The following SLAMF1 variants were observed in gnomAD, a reference collection of about 807,000 sequenced individuals.
SLAMF1 encodes the protein signaling lymphocytic activation molecule family member 1, also known as signaling lymphocytic activation molecule.
In SLAMF1, 18 loss-of-function variants were observed where a neutral mutation model predicts 35.1. That is an observed-to-expected ratio of 0.51 (90% CI 0.35 to 0.76). SLAMF1 has a LOEUF of 0.76. SLAMF1 is among the 30% of genes least tolerant of loss of function. The pLI is 0.01. For synonymous variants in SLAMF1, 168 were observed against 157.2 expected (o/e 1.07, Z -0.51); for missense variants, 392 against 413.0 (o/e 0.95, Z 0.44).
rs773729465 is a variant in SLAMF1 at position 160,634,848 on chromosome 1, G to A, written c.465C>T (p.Asn155=). ...AGCCCAGTATCAAGGTGCAGGTCCC[G>A]TTCTCCTGGGTCTTGTTTAAAACTT... The part of the protein sequence containing the change: ...EIKVLNKTQE[N]GTCTLILGCT... Residue 155 remains asparagine, a synonymous_variant, in exon 3 of 7, where the codon AAC becomes AAT. Transcript: ENST00000302035. 66 of 1,613,938 alleles carry A rather than the reference G, an allele frequency of 4.1e-5. No individual in the cohort carries two copies. The highest frequency in any genetic ancestry group is 5.3e-5 in the African/African-American group (4 of 74,892).
chr1:160,629,092 G>A (rs1660029826), intron 3 of SLAMF1, among the ~76,000 whole-genome samples: 1 of 152,112 alleles, frequency 6.6e-6, no homozygotes, highest in Admixed American at 6.5e-5. Context: ...CCCTACTCCC[G>A]AGGCTCTTAG....
intron 4 of SLAMF1, chr1:160,623,607 G>A: frequency 2.5e-6 from 1 of 399,236 alleles, no homozygotes. Flanking sequence ...ACAATGCCCT[G>A]AGATATTGTA....
chr1:160,629,681 G>A (rs1394268198), intron 3 of SLAMF1, among the ~76,000 whole-genome samples: 1 of 152,160 alleles, frequency 6.6e-6, no homozygotes, highest in East Asian at 1.9e-4. Context: ...CATTGCAGAG[G>A]CTACTAGCTC....
At chr1:160,629,422 A>C (rs1660052842) in intron 3 of SLAMF1, among the ~76,000 whole-genome samples, 1 of 152,180 alleles carries the variant, frequency 6.6e-6, no homozygotes, top group South Asian at 2.1e-4. Context: ...CCTAGGAGAT[A>C]CTGCGACGTT....
intron 1 of SLAMF1, among the ~76,000 whole-genome samples, chr1:160,641,940 T>G (rs946455811): frequency 1.6e-4 from 24 of 152,202 alleles, no homozygotes; most frequent in Admixed American, 1.5e-3. Context: ...CATGGGCCTA[T>G]GGAGTTTGGT....
intron 4 of SLAMF1, among the ~76,000 whole-genome samples, chr1:160,622,859 G>A (rs146196392): frequency 1.3e-5 from 2 of 152,340 alleles, no homozygotes; most frequent in Non-Finnish European, 2.9e-5. Flanking sequence ...TTCAGCGTCA[G>A]GCTGCATTCT....
At chr1:160,618,981 TCTC>T (rs1439116941) in intron 5 of SLAMF1, among the ~76,000 whole-genome samples, 4 of 152,196 alleles carry the variant, frequency 2.6e-5, no homozygotes, top group African/African-American at 9.7e-5. Context: ...CAAGAGTCCA[TCTC>T]CTGGTTCTCA....
At chr1:160,641,586 G>A (rs1660748670) in intron 1 of SLAMF1, among the ~76,000 whole-genome samples, 1 of 152,134 alleles carries the variant, frequency 6.6e-6, no homozygotes, top group Admixed American at 6.5e-5. Context: ...ATGAGGAGTG[G>A]AACCAAAACT....
Position 160,610,252 on chromosome 1 carries a change from G to C in SLAMF1, c.*496C>G. ...CCTCTATTCACTCTTTATCCTGAGAGAGAAACTGAGGCACAGAGGCTTGAT... is the reference window on the plus strand; with the variant it reads ...CCTCTATTCACTCTTTATCCTGAGACAGAAACTGAGGCACAGAGGCTTGAT... On this transcript the variant is annotated 3_prime_UTR_variant, in exon 7 of 7. Coordinates refer to ENST00000302035, the MANE Select transcript of SLAMF1 (RefSeq NM_003037.5). 1 of 456,576 alleles carries C rather than the reference G, an allele frequency of 2.2e-6. No individual in the cohort carries two copies. The allele number at this position is 456,576 out of a possible 1,614,324, so 28.3% of individuals were successfully genotyped here.
chr1:160,644,539 GAC>G (rs1158522167), intron 1 of SLAMF1, among the ~76,000 whole-genome samples: 2 of 152,310 alleles, frequency 1.3e-5, no homozygotes, highest in East Asian at 1.9e-4. Context: ...TCTCAGTACA[GAC>G]ACAGTGTCAG....
chr1:160,625,631 C>A (rs1481821903), intron 3 of SLAMF1, among the ~76,000 whole-genome samples: 2 of 152,160 alleles, frequency 1.3e-5, no homozygotes, highest in East Asian at 3.8e-4. Context: ...GTTCTATCCC[C>A]TAAATTAAAT....
At chr1:160,615,191 A>C (rs1453856529) in intron 5 of SLAMF1, among the ~76,000 whole-genome samples, 3 of 132,146 alleles carry the variant, frequency 2.3e-5, no homozygotes, top group Non-Finnish European at 4.8e-5. Flanking sequence ...GAACAAAGAA[A>C]ATTGTGAAAA....
intron 1 of SLAMF1, among the ~76,000 whole-genome samples, chr1:160,638,297 A>G (rs1033197154): frequency 6.6e-6 from 1 of 152,076 alleles, no homozygotes; most frequent in African/African-American, 2.4e-5. Flanking sequence ...GTTTCACTGA[A>G]GTATAAAATA....
chr1:160,628,523 A>G (rs1659999128), intron 3 of SLAMF1, among the ~76,000 whole-genome samples: 1 of 152,216 alleles, frequency 6.6e-6, no homozygotes, highest in Non-Finnish European at 1.5e-5. Flanking sequence ...TTTAAATATT[A>G]TATTTTTCTA....
chr1:160,626,240 T>C (rs1475256572), intron 3 of SLAMF1, among the ~76,000 whole-genome samples: 2 of 152,234 alleles, frequency 1.3e-5, no homozygotes, highest in Admixed American at 6.5e-5. Context: ...GCACCAGTAA[T>C]GCCTGGTGAG....
chr1:160,646,687 A>G (rs1661054558), intron 1 of SLAMF1, among the ~76,000 whole-genome samples, 183 bp downstream of exon 1: 1 of 152,194 alleles, frequency 6.6e-6, no homozygotes, highest in Admixed American at 6.5e-5. Context: ...TTGGAAACCC[A>G]AGGGCCCAGG....
chr1:160,620,592 T>TAAAGTATAAAGTAA (rs1334480781), intron 4 of SLAMF1, among the ~76,000 whole-genome samples: 2 of 152,290 alleles, frequency 1.3e-5, no homozygotes, highest in African/African-American at 2.4e-5. Context: ...AAGAAATATA[T>TAAAGTATAAAGTAA]AAAGTATAAA....
In SLAMF1 at chr1:160,624,152, AAC is replaced by A; in HGVS notation, c.732_733del (p.Leu245ArgfsTer20). The A allele has an allele frequency of 6.2e-7, 1 of 1,611,586 alleles. No homozygotes were observed. The highest frequency in any genetic ancestry group is 1.1e-5 in the South Asian group (1 of 90,670). ...GATGAGAATCATGATGACACCCCCT[AAC>A]AGCCCAGCATACACTGCCCATGGTT... On this transcript the variant is annotated frameshift_variant, in exon 4 of 7. Coordinates refer to ENST00000302035, the MANE Select transcript of SLAMF1 (RefSeq NM_003037.5). LOFTEE classifies it high-confidence loss of function.
chr1:160,623,518 G>A (rs977072824), intron 4 of SLAMF1: 17 of 398,580 alleles, frequency 4.3e-5, no homozygotes, highest in Admixed American at 3.5e-4. Context: ...GAAGGCAGCC[G>A]GGGCATCTCT....
Sources: gnomAD v4.1 joint callset for allele counts (sites outside exome capture counted in the v4.1 genomes callset) on GRCh38, gnomAD v4.1.1 for gene constraint, MANE v1.5 for transcripts, NCBI Gene and HGNC (gene_info 2026-07-23, HGNC 2026-07-21) for gene names.